Variants in GLI2 observed in about 807,000 individuals in gnomAD.
The protein encoded by GLI2 is transcription activator GLI2.
In GLI2, 22 loss-of-function variants were observed where a neutral mutation model predicts 78.9. The observed-to-expected ratio is 0.28, with a 90% CI of 0.20 to 0.40. The LOEUF (loss-of-function observed/expected upper bound fraction) is 0.40, where lower values mean the gene tolerates loss of function less well. Ranked by LOEUF, GLI2 falls within the 10% of genes least tolerant of loss-of-function variation. The pLI is 1.00. For synonymous variants in GLI2, 974 were observed against 963.7 expected (o/e 1.01, Z -0.20); for missense variants, 2,097 against 2,213.2 (o/e 0.95, Z 1.05).
At chr2:120,917,966 G>C (rs551122139) in intron 2 of GLI2, among the ~76,000 whole-genome samples, 4 of 152,362 alleles carry the variant, frequency 2.6e-5, no homozygotes, top group African/African-American at 7.2e-5. Flanking sequence ...TCTGGGAATA[G>C]GGGTGAGTGG....
In GLI2 at chr2:120,968,739, G is replaced by A. The variant is rs1376293096; in HGVS notation, c.669G>A (p.Val223=). 4 of 1,613,416 alleles carry A rather than the reference G, an allele frequency of 2.5e-6. No homozygotes were observed. Among genetic ancestry groups the A allele is most frequent in the Non-Finnish European group, 3.4e-6 (4 of 1,179,894 alleles). The part of the protein sequence containing the change: ...VDVSRFSSPR[V]TPRLSRKRAL... ...TGTCCCGTTTCTCCAGCCCGCGGGTGACGCCCCGCCTGAGCCGCAAGCGGG... is the reference window on the plus strand; with the variant it reads ...TGTCCCGTTTCTCCAGCCCGCGGGTAACGCCCCGCCTGAGCCGCAAGCGGG... The change falls in exon 6 of 14, where the codon GTG becomes GTA. Residue 223 remains valine, a synonymous_variant. Coordinates refer to ENST00000361492, the MANE Select transcript of GLI2 (RefSeq NM_001374353.1).
intron 1 of GLI2, among the ~76,000 whole-genome samples, chr2:120,781,620 C>T (rs1016831209): frequency 3.3e-5 from 5 of 151,202 alleles, no homozygotes; most frequent in Non-Finnish European, 7.4e-5. Flanking sequence ...CGGTGGCTTA[C>T]GCCTGTAATC....
At chr2:120,829,390 G>A (rs1414111396) in intron 2 of GLI2, among the ~76,000 whole-genome samples, 1 of 152,312 alleles carries the variant, frequency 6.6e-6, no homozygotes, top group South Asian at 2.1e-4. Context: ...TAGCTCAAAG[G>A]CAGTGTCATG....
intron 1 of GLI2, among the ~76,000 whole-genome samples, chr2:120,775,413 A>G (rs1247218319): frequency 6.6e-6 from 1 of 152,152 alleles, no homozygotes; most frequent in Non-Finnish European, 1.5e-5. Context: ...CATCAGGGGT[A>G]GTTGGTGGTG....
intron 3 of GLI2, among the ~76,000 whole-genome samples, chr2:120,930,913 T>C (rs1357033733): frequency 6.6e-6 from 1 of 152,072 alleles, no homozygotes; most frequent in Non-Finnish European, 1.5e-5. Context: ...CCCTTGCCAG[T>C]GAGGGTGGGG....
chr2:120,861,891 GC>G, intron 2 of GLI2, among the ~76,000 whole-genome samples: 1 of 152,294 alleles, frequency 6.6e-6, no homozygotes, highest in South Asian at 2.1e-4. Context: ...GTGTCTGCAG[GC>G]TCTGGCAGCT....
chr2:120,807,963 C>T (rs935717317), intron 2 of GLI2, among the ~76,000 whole-genome samples: 3 of 152,078 alleles, frequency 2.0e-5, no homozygotes, highest in African/African-American at 7.2e-5. Flanking sequence ...GCCCTTGGCT[C>T]TTTCCCCTTG....
At chr2:120,936,689 G>A (rs946495432) in intron 3 of GLI2, among the ~76,000 whole-genome samples, 7 of 152,180 alleles carry the variant, frequency 4.6e-5, no homozygotes, top group African/African-American at 1.7e-4. Context: ...AAAGTTTCAG[G>A]CATTGGTGGG....
chr2:120,790,702 C>G (rs1684126677), intron 1 of GLI2, among the ~76,000 whole-genome samples: 1 of 152,204 alleles, frequency 6.6e-6, no homozygotes, highest in African/African-American at 2.4e-5. Context: ...TGGTGCTGCT[C>G]TCTGGGGCTC....
Position 120,935,123 on chromosome 2 carries a change from C to T in GLI2, c.254+7657C>T, listed in dbSNP as rs968263015. 5.9e-5 allele frequency among the ~76,000 whole-genome samples: 9 copies of T among 152,204 alleles called. 1 individual carries two copies. The highest frequency in any genetic ancestry group is 3.9e-4 in the Admixed American group (6 of 15,276). On this transcript the variant is annotated intron_variant, in intron 3 of 13. Transcript: ENST00000361492. ...CTTCTCCTCCCTCTGCAAACATGCT[C>T]GTTTCTTTTCAGAGCCTAGAGGAAG...
rs2104756783 is a variant in GLI2, at chr2:120,893,644, A to G, written c.149-33717A>G. ...GAATTACCAAAAAAGAAATGAAAGG[A>G]AAAAAGAAGAAAGAAAAAAAAAAAG... On this transcript the variant is annotated intron_variant, in intron 2 of 13. Transcript: ENST00000361492. Among the ~76,000 whole-genome samples the G allele has an allele frequency of 2.0e-5, 3 of 151,272 alleles. No homozygotes were observed. The South Asian group carries it at 6.3e-4, about 32-fold the overall frequency.
At chr2:120,791,046 C>T (rs1256702604) in intron 1 of GLI2, among the ~76,000 whole-genome samples, 3 of 152,074 alleles carry the variant, frequency 2.0e-5, no homozygotes, top group African/African-American at 7.2e-5. Context: ...ACTGAGGCTC[C>T]GAGAGGGGAA....
At chr2:120,930,656 G>C (rs577477713) in intron 3 of GLI2, among the ~76,000 whole-genome samples, 2 of 152,370 alleles carry the variant, frequency 1.3e-5, no homozygotes, top group East Asian at 1.9e-4. Flanking sequence ...AGATCCTCAG[G>C]CCACAGCCCA....
chr2:120,939,406 C>G lies in GLI2; in HGVS notation c.255-11837C>G, dbSNP rs374859407. 2.4e-3 allele frequency among the ~76,000 whole-genome samples: 369 copies of G among 152,272 alleles called. 2 individuals are homozygous for G. Among genetic ancestry groups the G allele is most frequent in the African/African-American group, 8.0e-3 (333 of 41,542 alleles). On this transcript the variant is annotated intron_variant, in intron 3 of 13. Transcript: ENST00000361492. ...GCACCTTTGAGGTCCCGTGTGCTCC[C>G]CAATCTCCTGCCTCAGGTCCTCCCC...
chr2:120,878,564 C>T (rs764883594), intron 2 of GLI2, among the ~76,000 whole-genome samples: 1 of 152,170 alleles, frequency 6.6e-6, no homozygotes, highest in Non-Finnish European at 1.5e-5. Context: ...ATTACATACA[C>T]AGTATAAAAG....
intron 2 of GLI2, among the ~76,000 whole-genome samples, chr2:120,858,333 G>A (rs1194570855): frequency 6.6e-6 from 1 of 152,222 alleles, no homozygotes; most frequent in African/African-American, 2.4e-5. Context: ...TACTTGGCAT[G>A]TGGCTAGTGG....
rs180836939 is a variant in GLI2 at position 120,877,444 on chromosome 2, A to T, written c.149-49917A>T. On this transcript the variant is annotated intron_variant, in intron 2 of 13. Coordinates refer to ENST00000361492, the MANE Select transcript of GLI2 (RefSeq NM_001374353.1). Reference sequence around the variant, plus strand: ...GGCGTGGTGAATTTTTGTCGTTTGAACACATCCACGTAACCAGCACCCAGA... The same window carrying T: ...GGCGTGGTGAATTTTTGTCGTTTGATCACATCCACGTAACCAGCACCCAGA... 2.9e-4 allele frequency among the ~76,000 whole-genome samples: 44 copies of T among 152,324 alleles called. No individual in the cohort carries two copies. The East Asian group carries it at 5.6e-3, about 19-fold the overall frequency.
At chr2:120,778,654 G>T (rs1349570478) in intron 1 of GLI2, among the ~76,000 whole-genome samples, 2 of 151,888 alleles carry the variant, frequency 1.3e-5, no homozygotes, top group African/African-American at 4.9e-5. Context: ...TGCCCAGGGG[G>T]TATACAGCAG....
At chr2:120,945,721 C>T (rs575702963) in intron 3 of GLI2, among the ~76,000 whole-genome samples, 6 of 152,166 alleles carry the variant, frequency 3.9e-5, no homozygotes, top group Non-Finnish European at 8.8e-5. Context: ...ACGCTTGCAC[C>T]CTACGAGCTC....
Sources: allele counts gnomAD v4.1 joint callset (sites outside exome capture counted in the v4.1 genomes callset), GRCh38; gene constraint gnomAD v4.1.1; transcripts MANE v1.5; gene names NCBI Gene and HGNC (gene_info 2026-07-23, HGNC 2026-07-21).